CPE: variants seen among roughly 807,000 people sequenced by gnomAD.
The protein encoded by CPE is carboxypeptidase E, also known as carbocypeptidase E.
In CPE, 17 loss-of-function variants were observed where a neutral mutation model predicts 53.5. The ratio of observed to expected loss-of-function variants is 0.32; its 90% CI spans 0.22 to 0.48. The LOEUF is 0.48. Among genes scored for constraint, CPE ranks in the 20% least tolerant of loss-of-function variants. The pLI, the probability that CPE is intolerant of heterozygous loss-of-function variation, is 0.99. For synonymous variants in CPE, 226 were observed against 228.8 expected (o/e 0.99, Z 0.11); for missense variants, 524 against 614.7 (o/e 0.85, Z 1.56).
intron 1 of CPE, among the ~76,000 whole-genome samples, chr4:165,455,588 C>G (rs1731886748): frequency 6.6e-6 from 1 of 151,930 alleles, no homozygotes; most frequent in African/African-American, 2.4e-5. Context: ...CAATCTCTGC[C>G]TTATCTGATT....
chr4:165,388,578 G>A (rs1051559949), intron 1 of CPE, among the ~76,000 whole-genome samples: 12 of 152,068 alleles, frequency 7.9e-5, no homozygotes, highest in African/African-American at 2.9e-4. Context: ...TTTCACACAC[G>A]TTGAGCTTAT....
At chr4:165,472,872 T>C (rs1423218248) in intron 3 of CPE, among the ~76,000 whole-genome samples, 1 of 152,208 alleles carries the variant, frequency 6.6e-6, no homozygotes, top group Non-Finnish European at 1.5e-5. Context: ...AAGAACATGT[T>C]ACACTGTTAA....
At chr4:165,392,205 A>G (rs1045851058) in intron 1 of CPE, among the ~76,000 whole-genome samples, 3 of 147,278 alleles carry the variant, frequency 2.0e-5, no homozygotes, top group Non-Finnish European at 4.5e-5. Flanking sequence ...TATATATAGT[A>G]TATGTATACT....
intron 1 of CPE, among the ~76,000 whole-genome samples, chr4:165,402,503 G>A (rs952712234): frequency 1.3e-5 from 2 of 152,162 alleles, no homozygotes; most frequent in Non-Finnish European, 2.9e-5. Flanking sequence ...GATCACAGGG[G>A]CAGATTCTTC....
At chr4:165,412,852 T>C (rs915681912) in intron 1 of CPE, among the ~76,000 whole-genome samples, 1 of 152,268 alleles carries the variant, frequency 6.6e-6, no homozygotes, top group African/African-American at 2.4e-5. Context: ...TCCCAGCCTC[T>C]AAGCAGCCAT....
intron 1 of CPE, among the ~76,000 whole-genome samples, chr4:165,454,918 G>T (rs564957919): frequency 4.6e-5 from 7 of 152,262 alleles, no homozygotes; most frequent in African/African-American, 7.2e-5. Context: ...AGGTTATCTA[G>T]TCCAGCCTCA....
At chr4:165,480,054 C>T (rs1732376649) in intron 3 of CPE, among the ~76,000 whole-genome samples, 1 of 150,676 alleles carries the variant, frequency 6.6e-6, no homozygotes, top group Non-Finnish European at 1.5e-5. Context: ...ATAAATATGT[C>T]ACAGAAGAAT....
chr4:165,432,822 G>T (rs1057339892), intron 1 of CPE, among the ~76,000 whole-genome samples: 1 of 152,062 alleles, frequency 6.6e-6, no homozygotes. Flanking sequence ...GCTCCTACCA[G>T]AGACCTGGGA....
At position 165,379,090 on chromosome 4, in the gene CPE, G is replaced by C. The variant is rs1039369067; in HGVS notation, c.-132G>C. Reference sequence around the variant, plus strand: ...GCGGGCTGACACTCATTCAGCCGGGGAAGGTGAGGCGAGTAGAGGCTGGTG... The same window carrying C: ...GCGGGCTGACACTCATTCAGCCGGGCAAGGTGAGGCGAGTAGAGGCTGGTG... On this transcript the variant is annotated 5_prime_UTR_variant, in exon 1 of 9. Transcript: ENST00000402744. The surrounding 1 kb of genome is among the most constrained non-coding windows in gnomAD (Gnocchi z 6.0). 17 of 808,888 alleles carry C rather than the reference G, an allele frequency of 2.1e-5. No homozygotes were observed. The highest frequency in any genetic ancestry group is 4.9e-6 in the Non-Finnish European group (3 of 614,202). The allele number at this position is 808,888 out of a possible 1,614,324, so 50.1% of individuals were successfully genotyped here.
chr4:165,406,057 G>T (rs1340686633), intron 1 of CPE: 1 of 758,870 alleles, frequency 1.3e-6, no homozygotes, highest in East Asian at 2.5e-5. Flanking sequence ...CAATAAAGCA[G>T]CCTGGCTTTG....
At chr4:165,459,803 C>T (rs1316652490) in intron 1 of CPE, among the ~76,000 whole-genome samples, 6 of 150,786 alleles carry the variant, frequency 4.0e-5, no homozygotes, top group African/African-American at 1.5e-4. Context: ...GTACTCCCAG[C>T]TACTCAGGAG....
At chr4:165,493,465 TGCG>T (rs1732645218) in intron 7 of CPE, among the ~76,000 whole-genome samples, 195 bp downstream of exon 7, 1 of 152,224 alleles carries the variant, frequency 6.6e-6, no homozygotes. Flanking sequence ...GGGCGGCTGC[TGCG>T]TTAGAAATCC....
intron 1 of CPE, chr4:165,405,033 A>G (rs1233866539): frequency 1.4e-6 from 1 of 726,588 alleles, no homozygotes; most frequent in Non-Finnish European, 2.5e-6. Flanking sequence ...AGCATCCATC[A>G]CCATGTCTGT....
At chr4:165,473,855 C>T (rs1732249610) in intron 3 of CPE, among the ~76,000 whole-genome samples, 1 of 152,232 alleles carries the variant, frequency 6.6e-6, no homozygotes, top group Non-Finnish European at 1.5e-5. Context: ...AGGAGTTTCT[C>T]TTAGCTTTGT....
chr4:165,448,981 C>T (rs1358172705), intron 1 of CPE, among the ~76,000 whole-genome samples: 1 of 152,188 alleles, frequency 6.6e-6, no homozygotes, highest in Non-Finnish European at 1.5e-5. Flanking sequence ...TAGGTTTTCT[C>T]ATCTGTAAAA....
chr4:165,379,249 C>A lies in CPE; in HGVS notation c.28C>A (p.Leu10Met), dbSNP rs565869186. The change falls in exon 1 of 9, where the codon CTG (leucine) becomes ATG (methionine). Residue 10 changes from leucine (L) to methionine (M), a missense_variant. Physicochemically the swap from Leu to Met is conservative, Grantham distance 15. Coordinates refer to ENST00000402744, the MANE Select transcript of CPE (RefSeq NM_001873.4). This position sits in a 1 kb window ranked among gnomAD's most constrained non-coding sequence, Gnocchi z 6.0. MAGRGGSAL[L>M]ALCGALAACG... is the part of the protein sequence containing the mutation. ...GGCCGGGCGAGGGGGCAGCGCGCTGCTGGCTCTGTGCGGGGCACTGGCTGC... is the reference window on the plus strand; with the variant it reads ...GGCCGGGCGAGGGGGCAGCGCGCTGATGGCTCTGTGCGGGGCACTGGCTGC... 2 of 1,311,922 alleles carry A rather than the reference C, an allele frequency of 1.5e-6. No individual in the cohort carries two copies. Among genetic ancestry groups the A allele is most frequent in the East Asian group, 6.2e-5 (2 of 32,350 alleles). 81.3% of individuals were successfully genotyped at this position (1,311,922 alleles called of 1,614,324 possible).
chr4:165,469,033 G>A (rs990500788), intron 3 of CPE, among the ~76,000 whole-genome samples: 3 of 152,182 alleles, frequency 2.0e-5, no homozygotes, highest in African/African-American at 7.2e-5. Flanking sequence ...CATAGGATAA[G>A]GATTGAATGA....
intron 1 of CPE, among the ~76,000 whole-genome samples, chr4:165,381,874 G>T (rs1730509141): frequency 6.6e-6 from 1 of 152,228 alleles, no homozygotes; most frequent in Admixed American, 6.5e-5. Flanking sequence ...GAAGTAAAAA[G>T]GAATACTTAT....
chr4:165,379,086 C>G lies in CPE; in HGVS notation c.-136C>G. The G allele has an allele frequency of 1.3e-6, 1 of 791,138 alleles. No homozygotes were observed. 49.0% of individuals were successfully genotyped at this position (791,138 alleles called of 1,614,324 possible). On this transcript the variant is annotated 5_prime_UTR_variant, in exon 1 of 9. Transcript: ENST00000402744. This position sits in a 1 kb window ranked among gnomAD's most constrained non-coding sequence, Gnocchi z 6.0. ...GTGCGCGGGCTGACACTCATTCAGC[C>G]GGGGAAGGTGAGGCGAGTAGAGGCT...
Sources: gnomAD v4.1 joint callset for allele counts (sites outside exome capture counted in the v4.1 genomes callset) on GRCh38, gnomAD v4.1.1 for gene constraint, Gnocchi (gnomAD v3.1) non-coding constraint, MANE v1.5 for transcripts, NCBI Gene and HGNC (gene_info 2026-07-23, HGNC 2026-07-21) for gene names.